Variants in C2CD5 observed in about 807,000 individuals in gnomAD.
C2CD5 encodes C2 domain-containing protein 5.
In C2CD5, 109 loss-of-function variants were observed where a neutral mutation model predicts 130.3. The ratio of observed to expected loss-of-function variants is 0.84; its 90% CI spans 0.72 to 0.98. The LOEUF (loss-of-function observed/expected upper bound fraction) is 0.98. C2CD5 is among the 50% of genes least tolerant of loss of function. The pLI, the probability that C2CD5 is intolerant of heterozygous loss-of-function variation, is 0.00. For synonymous variants in C2CD5, 454 were observed against 429.2 expected (o/e 1.06, Z -0.71); for missense variants, 996 against 1,261.8 (o/e 0.79, Z 3.19).
rs150633420 is a variant in C2CD5 at position 22,531,340 on chromosome 12, A to G, written c.178-3448T>C. ...ATATTTCACCATGAAAATATCAACT[A>G]AAAATATGAATTTGTAGGACTCTCA... On this transcript the variant is annotated intron_variant, in intron 3 of 26. Coordinates refer to ENST00000446597, the MANE Select transcript of C2CD5 (RefSeq NM_001286176.2). Among the ~76,000 whole-genome samples the G allele has an allele frequency of 7.9e-3, 1,205 of 152,302 alleles. 14 individuals are homozygous for G. Among genetic ancestry groups the G allele is most frequent in the African/African-American group, 0.028 (1,153 of 41,552 alleles).
intron 12 of C2CD5, among the ~76,000 whole-genome samples, chr12:22,488,004 T>C (rs929717707): frequency 8.1e-6 from 1 of 123,296 alleles, no homozygotes; most frequent in African/African-American, 3.2e-5. Flanking sequence ...TGAGAACACA[T>C]GGACACAGGA....
At chr12:22,473,388 C>G (rs961179825) in intron 16 of C2CD5, among the ~76,000 whole-genome samples, 1 of 152,144 alleles carries the variant, frequency 6.6e-6, no homozygotes, top group Non-Finnish European at 1.5e-5. Context: ...CCACATCACC[C>G]TCAGGACTTC....
At position 22,472,132 on chromosome 12, in the gene C2CD5, T is replaced by A. The variant is rs16924981; in HGVS notation, c.2170-67A>T. On this transcript the variant is annotated intron_variant, in intron 18 of 26. Transcript: ENST00000446597. ...ACTAAATATTTTAACAGTTGATAAA[T>A]TGCCAAATAATGAACAATACTAACT... 7 of 1,024,912 alleles carry A rather than the reference T, an allele frequency of 6.8e-6. No individual in the cohort carries two copies. The South Asian group carries it at 8.3e-5, about 12-fold the overall frequency. 63.5% of individuals were successfully genotyped at this position (1,024,912 alleles called of 1,614,324 possible).
chr12:22,485,913 A>AT (rs34893837), intron 12 of C2CD5, among the ~76,000 whole-genome samples: 66,548 of 151,354 alleles, frequency 0.44, 18,177 homozygotes, highest in Middle Eastern at 0.6. Context: ...CATTCTCCAA[A>AT]TTTTTTTTTG....
At chr12:22,454,220 A>C (rs1405412203) in intron 25 of C2CD5, among the ~76,000 whole-genome samples, 178 bp from the exon 26 acceptor site, 2 of 152,176 alleles carry the variant, frequency 1.3e-5, no homozygotes, top group Non-Finnish European at 2.9e-5. Flanking sequence ...TTGACTGAAC[A>C]CATGTCCAGG....
intron 9 of C2CD5, among the ~76,000 whole-genome samples, chr12:22,508,340 G>A (rs1179714674): frequency 1.3e-5 from 2 of 152,064 alleles, no homozygotes; most frequent in Non-Finnish European, 2.9e-5. Context: ...GAAAGGTAGA[G>A]GGAAAATAAG....
At chr12:22,543,607 T>C (rs941439063) in intron 2 of C2CD5, among the ~76,000 whole-genome samples, 9 of 151,732 alleles carry the variant, frequency 5.9e-5, no homozygotes, top group Admixed American at 5.3e-4. Context: ...TGTGTGTGCC[T>C]GTGTGTGTGT....
intron 10 of C2CD5, among the ~76,000 whole-genome samples, chr12:22,497,903 CACAT>C (rs1052686496): frequency 1.1e-4 from 11 of 98,492 alleles, no homozygotes; most frequent in African/African-American, 4.5e-4. Context: ...CGCATGCACA[CACAT>C]ACACACACAC....
At chr12:22,481,621 A>G (rs192317074) in intron 14 of C2CD5, among the ~76,000 whole-genome samples, 66 of 148,650 alleles carry the variant, frequency 4.4e-4, no homozygotes, top group African/African-American at 1.6e-3. Context: ...TTCTTGTCTC[A>G]TATTTCATCG....
intron 10 of C2CD5, among the ~76,000 whole-genome samples, chr12:22,494,748 T>C (rs1946795962): frequency 6.6e-6 from 1 of 152,090 alleles, no homozygotes; most frequent in Non-Finnish European, 1.5e-5. Flanking sequence ...CAATATGGTA[T>C]TAGCAATCAA....
At chr12:22,544,236 G>T in intron 1 of C2CD5, 57 bp from the exon 2 acceptor site, 1 of 1,382,828 alleles carries the variant, frequency 7.2e-7, no homozygotes, top group Non-Finnish European at 1.0e-6. Context: ...GAGAGGGGCG[G>T]AGGCGCGCGG....
chr12:22,515,668 T>C (rs1440593969), intron 8 of C2CD5, among the ~76,000 whole-genome samples: 2 of 152,098 alleles, frequency 1.3e-5, no homozygotes, highest in Non-Finnish European at 2.9e-5. Context: ...GGTAAACAGT[T>C]GTCAGTATTA....
intron 2 of C2CD5, among the ~76,000 whole-genome samples, chr12:22,541,009 G>A (rs951449099): frequency 1.3e-5 from 2 of 152,048 alleles, no homozygotes; most frequent in African/African-American, 4.8e-5. Flanking sequence ...CTATCTAAAG[G>A]GAGTCCTGGG....
Position 22,500,251 on chromosome 12 carries a change from G to GA in C2CD5, c.1147+6459dup, listed in dbSNP as rs368222026. 1.9e-3 allele frequency among the ~76,000 whole-genome samples: 252 copies of GA among 131,252 alleles called. 1 individual carries two copies. The Middle Eastern group carries it at 0.023, about 12-fold the overall frequency. 86.1% of individuals were successfully genotyped at this position (131,252 alleles called of 152,430 possible). A position where few individuals can be genotyped will look rare whatever the true frequency, so the allele number is the denominator to read the frequency against. ...CAGCAAAGCAGGAGAAAAGGAGACA[G>GA]AAAAAAAAAAAAAGCTAAACTAACC... On this transcript the variant is annotated intron_variant, in intron 10 of 26. Coordinates refer to ENST00000446597, the MANE Select transcript of C2CD5 (RefSeq NM_001286176.2).
intron 12 of C2CD5, 131 bp downstream of exon 12, chr12:22,489,992 G>C (rs144801634): frequency 1.0e-5 from 6 of 595,096 alleles, no homozygotes; most frequent in Non-Finnish European, 1.8e-5. Flanking sequence ...TTAGTGAAGT[G>C]CTTGGTCCTG....
intron 2 of C2CD5, among the ~76,000 whole-genome samples, chr12:22,542,100 T>C (rs756437951): frequency 5.3e-4 from 81 of 152,350 alleles, no homozygotes; most frequent in Admixed American, 1.5e-3. Context: ...CATTCCCACA[T>C]ATTACCTGGA....
intron 10 of C2CD5, chr12:22,502,917 G>T: frequency 1.6e-6 from 1 of 637,488 alleles, no homozygotes; most frequent in Non-Finnish European, 2.8e-6. Context: ...ACAGGAACTG[G>T]AAAGACATAG....
At chr12:22,519,503 A>G (rs529262309) in intron 7 of C2CD5, among the ~76,000 whole-genome samples, 2 of 152,248 alleles carry the variant, frequency 1.3e-5, no homozygotes, top group East Asian at 1.9e-4. Flanking sequence ...AGAATAGTCA[A>G]TGAAATTAAA....
In C2CD5 at chr12:22,472,279, G is replaced by C; in HGVS notation, c.2169+7C>G. ...TATGTGCTTAAAATTAAGAAAAAAA[G>C]GTTTACCTGTATTTCAGAGGTCCAA... On this transcript the variant is annotated splice_region_variant and intron_variant, in intron 18 of 26. Coordinates refer to ENST00000446597, the MANE Select transcript of C2CD5 (RefSeq NM_001286176.2). The C allele has an allele frequency of 6.9e-7, 1 of 1,458,552 alleles. No homozygotes were observed. Among genetic ancestry groups the C allele is most frequent in the Non-Finnish European group, 9.4e-7 (1 of 1,060,374 alleles). The allele number at this position is 1,458,552 out of a possible 1,614,324, so 90.4% of individuals were successfully genotyped here.
Sources: allele counts gnomAD v4.1 joint callset (sites outside exome capture counted in the v4.1 genomes callset), GRCh38; gene constraint gnomAD v4.1.1; transcripts MANE v1.5; gene names NCBI Gene and HGNC (gene_info 2026-07-23, HGNC 2026-07-21).